Variants in CSMD1 observed in about 807,000 individuals in gnomAD.
CSMD1 encodes CUB and sushi domain-containing protein 1.
CSMD1 carries 213 observed loss-of-function variants against 417.5 expected under a neutral mutation model. The observed-to-expected ratio is 0.51, with a 90% CI of 0.46 to 0.57. The LOEUF is 0.57. Ranked by LOEUF, CSMD1 falls within the 20% of genes least tolerant of loss-of-function variation. The pLI is 0.00. For missense variants in CSMD1, 6,923 were observed against 4,529.7 expected (o/e 1.53, Z -15.17); for synonymous variants, 2,862 against 1,736.8 (o/e 1.65, Z -16.11).
chr8:3,951,485 T>G (rs1332894726), intron 5 of CSMD1, among the ~76,000 whole-genome samples: 2 of 152,182 alleles, frequency 1.3e-5, no homozygotes, highest in Non-Finnish European at 2.9e-5. Context: ...TTCCAACTGC[T>G]TGAATAACAA....
At chr8:4,602,877 A>G (rs11781172) in intron 2 of CSMD1, among the ~76,000 whole-genome samples, 97,611 of 151,660 alleles carry the variant, frequency 0.64, 35,343 homozygotes, top group Non-Finnish European at 0.8. Context: ...AATTATATAA[A>G]TAATAACGCT....
chr8:4,252,474 C>T (rs1172688474), intron 3 of CSMD1, among the ~76,000 whole-genome samples: 1 of 152,214 alleles, frequency 6.6e-6, no homozygotes, highest in African/African-American at 2.4e-5. Context: ...CACTCTAATA[C>T]ATTTCCAGGG....
chr8:4,163,481 A>T (rs556324763), intron 3 of CSMD1, among the ~76,000 whole-genome samples: 1 of 151,998 alleles, frequency 6.6e-6, no homozygotes, highest in African/African-American at 2.4e-5. Context: ...TTTTATTTAG[A>T]TTTTATCCTT....
intron 64 of CSMD1, among the ~76,000 whole-genome samples, chr8:2,954,919 A>T (rs1726586369): frequency 1.3e-5 from 2 of 152,208 alleles, no homozygotes; most frequent in South Asian, 2.1e-4. Flanking sequence ...AAAGTCACTG[A>T]CTGTCTCACA....
At chr8:3,658,772 G>C (rs1015401489) in intron 7 of CSMD1, among the ~76,000 whole-genome samples, 1 of 152,082 alleles carries the variant, frequency 6.6e-6, no homozygotes, top group Non-Finnish European at 1.5e-5. Flanking sequence ...GACAAAGAGA[G>C]ACTCCACCTC....
intron 2 of CSMD1, among the ~76,000 whole-genome samples, chr8:4,546,560 A>G (rs1797646289): frequency 6.6e-6 from 1 of 152,136 alleles, no homozygotes; most frequent in Non-Finnish European, 1.5e-5. Context: ...CTAGTACATC[A>G]GCACTTCTGG....
chr8:3,516,969 G>A (rs1468237161), intron 10 of CSMD1, among the ~76,000 whole-genome samples: 1 of 152,206 alleles, frequency 6.6e-6, no homozygotes, highest in Non-Finnish European at 1.5e-5. Context: ...GCTTCTGTAA[G>A]AATGAGGGTG....
intron 4 of CSMD1, among the ~76,000 whole-genome samples, chr8:4,020,996 T>C (rs1441019545): frequency 6.6e-6 from 1 of 152,220 alleles, no homozygotes; most frequent in Non-Finnish European, 1.5e-5. Flanking sequence ...GTCTTTATGA[T>C]TAAACTGCAT....
intron 3 of CSMD1, among the ~76,000 whole-genome samples, chr8:4,133,544 G>C (rs539654482): frequency 5.9e-5 from 9 of 152,030 alleles, no homozygotes; most frequent in African/African-American, 1.9e-4. Context: ...CCTCCTCATG[G>C]TATAAGGGTT....
At chr8:3,522,779 C>T (rs771902967) in intron 10 of CSMD1, among the ~76,000 whole-genome samples, 37 of 151,812 alleles carry the variant, frequency 2.4e-4, no homozygotes, top group Admixed American at 8.5e-4. Flanking sequence ...GCCCAGGGAA[C>T]CCAACACATT....
chr8:4,271,980 A>G (rs1034836123), intron 3 of CSMD1, among the ~76,000 whole-genome samples: 1 of 152,126 alleles, frequency 6.6e-6, no homozygotes, highest in Admixed American at 6.6e-5. Context: ...CTCCCTATAT[A>G]GATGGATTTC....
chr8:3,911,384 T>C (rs148456757), intron 5 of CSMD1, among the ~76,000 whole-genome samples: 22 of 151,820 alleles, frequency 1.4e-4, no homozygotes, highest in African/African-American at 5.1e-4. Context: ...AAAAATTAGC[T>C]GGGTATGGTG....
chr8:3,267,515 C>T (rs542389396), intron 26 of CSMD1, among the ~76,000 whole-genome samples: 19 of 152,206 alleles, frequency 1.2e-4, no homozygotes, highest in African/African-American at 3.9e-4. Flanking sequence ...CTCCGGAGTC[C>T]AGAGGAGAGA....
chr8:4,031,088 C>T (rs79282243), intron 4 of CSMD1, among the ~76,000 whole-genome samples: 22,863 of 152,144 alleles, frequency 0.15, 2,308 homozygotes, highest in East Asian at 0.35. Flanking sequence ...AATTCCAAAA[C>T]TTCCCACATT....
chr8:4,685,207 G>T (rs1450004776), intron 1 of CSMD1, among the ~76,000 whole-genome samples: 1 of 152,152 alleles, frequency 6.6e-6, no homozygotes, highest in Non-Finnish European at 1.5e-5. Context: ...TGAGAATAAT[G>T]GCCGTAAACA....
chr8:4,088,267 C>T (rs1342596494), intron 3 of CSMD1, among the ~76,000 whole-genome samples: 1 of 152,204 alleles, frequency 6.6e-6, no homozygotes, highest in Admixed American at 6.5e-5. Context: ...GAGTCGTGTT[C>T]CCACTTCTCA....
intron 12 of CSMD1, among the ~76,000 whole-genome samples, chr8:3,457,633 T>C (rs533367192): frequency 6.6e-6 from 1 of 152,332 alleles, no homozygotes; most frequent in Non-Finnish European, 1.5e-5. Context: ...AAATCAGTAA[T>C]GCAAAATATC....
chr8:3,731,178 A>C (rs2129047608), intron 6 of CSMD1, among the ~76,000 whole-genome samples: 1 of 152,276 alleles, frequency 6.6e-6, no homozygotes, highest in Admixed American at 6.5e-5. Flanking sequence ...ATCATTCCAA[A>C]GTAAAACCTC....
intron 8 of CSMD1, among the ~76,000 whole-genome samples, chr8:3,593,859 T>C (rs1800969940): frequency 6.6e-6 from 1 of 152,198 alleles, no homozygotes; most frequent in South Asian, 2.1e-4. Flanking sequence ...TATTTTTCTC[T>C]TTCCCTGCCT....
Sources: gnomAD v4.1 joint callset for allele counts (sites outside exome capture counted in the v4.1 genomes callset) on GRCh38, gnomAD v4.1.1 for gene constraint, MANE v1.5 for transcripts, NCBI Gene and HGNC (gene_info 2026-07-23, HGNC 2026-07-21) for gene names.